Variants in SCARB2 observed in about 807,000 individuals in gnomAD.
SCARB2 encodes scavenger receptor class B member 2, also known as lysosome membrane protein 2.
A neutral mutation model predicts 58.6 loss-of-function variants in SCARB2; 29 were observed. The observed-to-expected ratio is 0.49, with a 90% CI of 0.37 to 0.67. The LOEUF (loss-of-function observed/expected upper bound fraction) is 0.67, where lower values mean the gene tolerates loss of function less well. Ranked by LOEUF, SCARB2 falls within the 30% of genes least tolerant of loss-of-function variation. SCARB2 has a pLI of 0.00. For synonymous variants in SCARB2, 195 were observed against 210.1 expected (o/e 0.93, Z 0.62); for missense variants, 488 against 578.5 (o/e 0.84, Z 1.60).
chr4:76,220,129 T>A (rs1733282971), intron 1 of SCARB2, among the ~76,000 whole-genome samples: 1 of 152,180 alleles, frequency 6.6e-6, no homozygotes, highest in African/African-American at 2.4e-5. Flanking sequence ...AACAGAATTA[T>A]CATATGACCT....
intron 11 of SCARB2, 66 bp from the exon 12 acceptor site, chr4:76,161,817 G>T: frequency 6.5e-7 from 1 of 1,545,186 alleles, no homozygotes; most frequent in Non-Finnish European, 8.9e-7. Flanking sequence ...AGTGTGAAAA[G>T]TTTGGGTGGG....
intron 1 of SCARB2, among the ~76,000 whole-genome samples, chr4:76,227,456 A>G (rs1018856149): frequency 6.6e-6 from 1 of 152,196 alleles, no homozygotes; most frequent in African/African-American, 2.4e-5. Context: ...TTTGTGGCCT[A>G]TCATATGGTC....
chr4:76,159,241 A>C lies in SCARB2; in HGVS notation c.*2472T>G, dbSNP rs1256764898. 5 of 152,354 alleles carry C rather than the reference A, an allele frequency of 3.3e-5. No homozygotes were observed. Among genetic ancestry groups the C allele is most frequent in the African/African-American group, 1.2e-4 (5 of 41,594 alleles). 9.4% of individuals were successfully genotyped at this position (152,354 alleles called of 1,614,324 possible). Reference sequence around the variant, plus strand: ...ATCATGACAGTGCTTACAATCACAAAGCCTTTGGGGGTCTTTCTAAGATAA... The same window carrying C: ...ATCATGACAGTGCTTACAATCACAACGCCTTTGGGGGTCTTTCTAAGATAA... On this transcript the variant is annotated 3_prime_UTR_variant, in exon 12 of 12. Coordinates refer to ENST00000264896, the MANE Select transcript of SCARB2 (RefSeq NM_005506.4).
At chr4:76,226,012 C>T (rs561492245) in intron 1 of SCARB2, among the ~76,000 whole-genome samples, 4 of 152,248 alleles carry the variant, frequency 2.6e-5, no homozygotes, top group Admixed American at 6.5e-5. Flanking sequence ...TGAATCCATC[C>T]GGTCCTGGAC....
chr4:76,166,090 GATTCATGTGAAC>G, intron 10 of SCARB2, 148 bp downstream of exon 10: 1 of 781,046 alleles, frequency 1.3e-6, no homozygotes, highest in South Asian at 1.5e-5. Context: ...GACACAGGCA[GATTCATGTGAAC>G]ATTTAAGTGA....
chr4:76,202,326 G>A (rs1033220851), intron 1 of SCARB2, among the ~76,000 whole-genome samples: 2 of 152,058 alleles, frequency 1.3e-5, no homozygotes, highest in African/African-American at 2.4e-5. Context: ...GCAGTGGCAT[G>A]ACTCGGCTCA....
At chr4:76,200,661 C>A (rs536694741) in intron 1 of SCARB2, among the ~76,000 whole-genome samples, 80 of 152,322 alleles carry the variant, frequency 5.3e-4, no homozygotes, top group African/African-American at 1.9e-3. Context: ...TTCAGCCTAA[C>A]AAACAGCTTA....
intron 1 of SCARB2, among the ~76,000 whole-genome samples, chr4:76,227,000 T>TTTTGTG (rs112860143): frequency 1.3e-5 from 2 of 151,398 alleles, no homozygotes; most frequent in Admixed American, 1.3e-4. Context: ...GTCTTTCGAA[T>TTTTGTG]TTTGTTTGTT....
chr4:76,181,890 T>G (rs182514405), intron 2 of SCARB2, among the ~76,000 whole-genome samples: 2 of 152,116 alleles, frequency 1.3e-5, no homozygotes, highest in Non-Finnish European at 2.9e-5. Flanking sequence ...ACAGCACAGT[T>G]TGGTTCAAGT....
chr4:76,213,581 G>C lies in SCARB2; in HGVS notation c.-38C>G. On this transcript the variant is annotated 5_prime_UTR_variant, in exon 1 of 12. Transcript: ENST00000264896. The stretch of plus-strand genomic sequence containing the variant: ...TCACGGGCCGGGCCGGGCCGCACCC[G>C]CCAGGGATCCAACTGCAAGGAGGGA... The C allele has an allele frequency of 1.3e-6, 2 of 1,554,348 alleles. No individual in the cohort carries two copies. The highest frequency in any genetic ancestry group is 1.8e-6 in the Non-Finnish European group (2 of 1,131,032).
chr4:76,163,314 T>C lies in SCARB2; in HGVS notation c.1309A>G (p.Asn437Asp). ...AGCGCCATGATGATGTAGGGTATGT[T>C]GGTGATGATCAAAGTAGTGTTAATC... ...SMINTTLIIT[N>D]IPYIIMALGV... The change falls in exon 11 of 12, where the codon AAC becomes GAC. Residue 437 changes from asparagine (N) to aspartate (D), a missense_variant. By Grantham distance (23) the Asn-to-Asp change is conservative (BLOSUM62 1). Transcript: ENST00000264896. The C allele has an allele frequency of 1.2e-6, 2 of 1,614,210 alleles. No homozygotes were observed. Among genetic ancestry groups the C allele is most frequent in the Non-Finnish European group, 1.7e-6 (2 of 1,180,038 alleles).
At chr4:76,180,796 G>C (rs1444266348) in intron 3 of SCARB2, 158 bp downstream of exon 3, 1 of 519,328 alleles carries the variant, frequency 1.9e-6, no homozygotes, top group Non-Finnish European at 3.2e-6. Context: ...AAAAGTCCAA[G>C]ATGTACTTTA....
intron 10 of SCARB2, chr4:76,164,995 G>C (rs1270949800): frequency 6.6e-6 from 1 of 152,072 alleles, no homozygotes; most frequent in African/African-American, 2.4e-5. Context: ...GCTCTTCCTA[G>C]GAGGCAGCAA....
intron 2 of SCARB2, among the ~76,000 whole-genome samples, chr4:76,190,110 G>A (rs1732573128): frequency 6.6e-6 from 1 of 151,674 alleles, no homozygotes; most frequent in Non-Finnish European, 1.5e-5. Flanking sequence ...CCAGGTTCAA[G>A]CGATGCTCCC....
chr4:76,166,068 A>C (rs756697388), intron 10 of SCARB2, 182 bp downstream of exon 10: 51 of 704,200 alleles, frequency 7.2e-5, no homozygotes, highest in Non-Finnish European at 1.0e-4. Context: ...CATTTCTCCA[A>C]ATCAGCTCTC....
intron 7 of SCARB2, among the ~76,000 whole-genome samples, chr4:76,171,301 T>A (rs1034524925): frequency 1.3e-5 from 2 of 152,170 alleles, no homozygotes; most frequent in Admixed American, 1.3e-4. Context: ...GTGTTTTATA[T>A]ATATTATTTC....
At position 76,166,276 on chromosome 4, in the gene SCARB2, C is replaced by G. The variant is rs1298164273; in HGVS notation, c.1213G>C (p.Val405Leu). 1.2e-6 allele frequency: 2 copies of G among 1,614,138 alleles called. No homozygotes were observed. The highest frequency in any genetic ancestry group is 2.7e-5 in the African/African-American group (2 of 75,032). Residue 405 changes from valine (V) to leucine (L), a missense_variant, in exon 10 of 12, where the codon GTT becomes CTT. Transcript: ENST00000264896. ...TCATTGAGGTACATCACTGGGAAAA[C>G]CATGGTTCTAATGTCTCCCGTTTCA... Reference protein sequence around the residue: ...FVETGDIRTMVFPVMYLNESV... With the variant: ...FVETGDIRTMLFPVMYLNESV...
intron 6 of SCARB2, 103 bp from the exon 7 acceptor site, chr4:76,174,416 G>A (rs1732202645): frequency 2.0e-6 from 2 of 993,908 alleles, no homozygotes; most frequent in Non-Finnish European, 3.2e-6. Context: ...ATGGCCAAAA[G>A]CTCACAGGGT....
chr4:76,214,339 G>A (rs1245354373), upstream of SCARB2: 3 of 454,236 alleles, frequency 6.6e-6, no homozygotes, highest in Non-Finnish European at 1.3e-5. Flanking sequence ...CCTGGGGGAT[G>A]CATAAGTTTG....
Sources: allele counts gnomAD v4.1 joint callset (sites outside exome capture counted in the v4.1 genomes callset), GRCh38; gene constraint gnomAD v4.1.1; transcripts MANE v1.5; gene names NCBI Gene and HGNC (gene_info 2026-07-23, HGNC 2026-07-21).